The following PDCD1LG2 variants were observed in gnomAD, a reference collection of about 807,000 sequenced individuals.
PDCD1LG2 encodes the protein B7 dendritic cell molecule.
PDCD1LG2 carries 32 observed loss-of-function variants against 28.2 expected under a neutral mutation model. The ratio of observed to expected loss-of-function variants is 1.13; its 90% CI spans 0.86 to 1.52. The LOEUF is 1.52. Among genes scored for constraint, PDCD1LG2 ranks in the 40% most tolerant of loss-of-function variants. The probability of loss-of-function intolerance (pLI) is 0.00; values close to 1 mark genes in which losing one functional copy is unlikely to be tolerated. For synonymous variants in PDCD1LG2, 116 were observed against 120.2 expected (o/e 0.97, Z 0.23); for missense variants, 385 against 323.8 (o/e 1.19, Z -1.45).
At chr9:5,550,289 T>C (rs1042565348) in intron 4 of PDCD1LG2, among the ~76,000 whole-genome samples, 4 of 152,228 alleles carry the variant, frequency 2.6e-5, no homozygotes, top group African/African-American at 9.6e-5. Flanking sequence ...TTGAACTTCA[T>C]ACAGCAGAAT....
intron 3 of PDCD1LG2, among the ~76,000 whole-genome samples, chr9:5,544,798 A>G (rs970165331): frequency 6.6e-6 from 1 of 152,238 alleles, no homozygotes; most frequent in African/African-American, 2.4e-5. Flanking sequence ...TCAGGTTGTA[A>G]GGATATAGCC....
chr9:5,570,131 T>A lies in PDCD1LG2; in HGVS notation c.*172T>A, dbSNP rs993794326. The A allele has an allele frequency of 1.2e-6, 1 of 822,306 alleles. No homozygotes were observed. Among genetic ancestry groups the A allele is most frequent in the South Asian group, 1.5e-5 (1 of 65,776 alleles). 50.9% of individuals were successfully genotyped at this position (822,306 alleles called of 1,614,324 possible). A position where few individuals can be genotyped will look rare whatever the true frequency, so the allele number is the denominator to read the frequency against. ...AACAAGACTAGCCAACACCTGGCCATGAAACTTGCCCCTTCACTGATCTGG... is the reference window on the plus strand; with the variant it reads ...AACAAGACTAGCCAACACCTGGCCAAGAAACTTGCCCCTTCACTGATCTGG... On this transcript the variant is annotated 3_prime_UTR_variant, in exon 7 of 7. Coordinates refer to ENST00000397747, the MANE Select transcript of PDCD1LG2 (RefSeq NM_025239.4).
chr9:5,567,051 G>A (rs910627096), intron 6 of PDCD1LG2, among the ~76,000 whole-genome samples: 5 of 152,118 alleles, frequency 3.3e-5, no homozygotes, highest in African/African-American at 9.7e-5. Context: ...GTGCCCTGAT[G>A]TATTACTTTC....
At chr9:5,522,662 G>A (rs1820298830) in intron 2 of PDCD1LG2, 61 bp downstream of exon 2, 1 of 1,509,710 alleles carries the variant, frequency 6.6e-7, no homozygotes, top group East Asian at 2.3e-5. Context: ...CCTAGCCAAA[G>A]CCAAAAATGA....
At chr9:5,530,686 G>C (rs887714991) in intron 2 of PDCD1LG2, among the ~76,000 whole-genome samples, 10 of 152,206 alleles carry the variant, frequency 6.6e-5, no homozygotes, top group African/African-American at 2.4e-4. Flanking sequence ...AATGTGGATA[G>C]CAACATCTAC....
intron 1 of PDCD1LG2, among the ~76,000 whole-genome samples, chr9:5,518,681 G>A (rs964954863): frequency 1.3e-5 from 2 of 152,178 alleles, no homozygotes; most frequent in African/African-American, 2.4e-5. Flanking sequence ...AGCTCACTGA[G>A]GACCTTACAT....
chr9:5,562,895 C>A (rs756691602), intron 5 of PDCD1LG2, among the ~76,000 whole-genome samples: 1 of 152,186 alleles, frequency 6.6e-6, no homozygotes, highest in Non-Finnish European at 1.5e-5. Flanking sequence ...GGATTGAATA[C>A]CCAAATTAGT....
At chr9:5,525,399 A>G (rs567085529) in intron 2 of PDCD1LG2, among the ~76,000 whole-genome samples, 2 of 151,830 alleles carry the variant, frequency 1.3e-5, no homozygotes, top group African/African-American at 4.8e-5. Flanking sequence ...GTCATTACAA[A>G]TAAATAAAAA....
chr9:5,567,841 G>A (rs1326813610), intron 6 of PDCD1LG2, among the ~76,000 whole-genome samples: 4 of 152,202 alleles, frequency 2.6e-5, no homozygotes, highest in Admixed American at 2.0e-4. Flanking sequence ...TACCGATAAG[G>A]TACTCAAGAA....
At chr9:5,533,911 C>G (rs775050033) in intron 2 of PDCD1LG2, among the ~76,000 whole-genome samples, 9 of 150,300 alleles carry the variant, frequency 6.0e-5, no homozygotes, top group Non-Finnish European at 1.2e-4. Flanking sequence ...AGCACAGTGC[C>G]TGGCATAGAA....
Position 5,557,712 on chromosome 9 carries a change from C to T in PDCD1LG2, c.726C>T (p.Ala242=), listed in dbSNP as rs1816474421. 6.2e-7 allele frequency: 1 copy of T among 1,613,740 alleles called. No individual in the cohort carries two copies. Among genetic ancestry groups the T allele is most frequent in the African/African-American group, 1.3e-5 (1 of 74,874 alleles). The part of the protein sequence containing the change: ...IAFIFIATVI[A]LRKQLCQKLY... ...TCATTTTCATAGCCACAGTGATAGCCCTAAGAAAACAACTCTGTCAAAAGC... is the reference window on the plus strand; with the variant it reads ...TCATTTTCATAGCCACAGTGATAGCTCTAAGAAAACAACTCTGTCAAAAGC... Residue 242 remains alanine (A), a synonymous_variant, in exon 5 of 7, where the codon GCC becomes GCT. Coordinates refer to ENST00000397747, the MANE Select transcript of PDCD1LG2 (RefSeq NM_025239.4).
At chr9:5,551,388 G>A (rs1447088492) in intron 4 of PDCD1LG2, among the ~76,000 whole-genome samples, 1 of 152,108 alleles carries the variant, frequency 6.6e-6, no homozygotes, top group African/African-American at 2.4e-5. Context: ...AACCCCAGAG[G>A]GCAGAAGCAA....
intron 3 of PDCD1LG2, among the ~76,000 whole-genome samples, chr9:5,543,185 G>A (rs1217580718): frequency 6.6e-6 from 1 of 152,132 alleles, no homozygotes; most frequent in African/African-American, 2.4e-5. Context: ...AAAGGCATAA[G>A]AATGATACAA....
chr9:5,534,676 T>G (rs1820545554), intron 2 of PDCD1LG2, 69 bp from the exon 3 acceptor site: 1 of 1,436,516 alleles, frequency 7.0e-7, no homozygotes, highest in South Asian at 1.3e-5. Context: ...GGGTCTCAGG[T>G]TACACTTCGT....
At chr9:5,541,908 C>T (rs529857618) in intron 3 of PDCD1LG2, among the ~76,000 whole-genome samples, 33 of 152,164 alleles carry the variant, frequency 2.2e-4, no homozygotes, top group Non-Finnish European at 4.3e-4. Context: ...AACCTGGAGG[C>T]ATCACATTGC....
intron 5 of PDCD1LG2, among the ~76,000 whole-genome samples, 173 bp from the exon 6 acceptor site, chr9:5,562,989 G>A (rs1433365171): frequency 6.6e-6 from 1 of 152,228 alleles, no homozygotes; most frequent in African/African-American, 2.4e-5. Context: ...TCTTTGCCTA[G>A]GGGCCAGATT....
intron 4 of PDCD1LG2, among the ~76,000 whole-genome samples, chr9:5,551,808 C>G (rs1586814516): frequency 6.6e-6 from 1 of 152,220 alleles, no homozygotes; most frequent in East Asian, 1.9e-4. Context: ...CCCAATTGTA[C>G]TGTTCAAATC....
chr9:5,529,088 T>A (rs1334092699), intron 2 of PDCD1LG2, among the ~76,000 whole-genome samples: 32 of 152,256 alleles, frequency 2.1e-4, no homozygotes, highest in Admixed American at 2.1e-3. Context: ...AAATATTCTT[T>A]TGAAGTCTGT....
At chr9:5,536,018 A>C (rs1820573794) in intron 3 of PDCD1LG2, among the ~76,000 whole-genome samples, 1 of 152,212 alleles carries the variant, frequency 6.6e-6, no homozygotes. Flanking sequence ...ATTGGACCTC[A>C]GATGGTCTGT....
Sources: gnomAD v4.1 joint callset for allele counts (sites outside exome capture counted in the v4.1 genomes callset) on GRCh38, gnomAD v4.1.1 for gene constraint, MANE v1.5 for transcripts, NCBI Gene and HGNC (gene_info 2026-07-23, HGNC 2026-07-21) for gene names.